The following FBXW8 variants were observed in gnomAD, a reference collection of about 807,000 sequenced individuals.
FBXW8 encodes the protein F-box and WD repeat domain containing 8.
Under a neutral mutation model 65.3 loss-of-function variants are expected in FBXW8, and 57 were observed. That is an observed-to-expected ratio of 0.87 (90% confidence interval 0.71 to 1.09). The LOEUF is 1.09. Among genes scored for constraint, FBXW8 ranks in the 50% least tolerant of loss-of-function variants. The pLI, the probability that FBXW8 is intolerant of heterozygous loss-of-function variation, is 0.00. For synonymous variants in FBXW8, 308 were observed against 330.2 expected (o/e 0.93, Z 0.73); for missense variants, 777 against 814.8 (o/e 0.95, Z 0.57).
In FBXW8 at chr12:117,029,562, C is replaced by T. The variant is rs1954312592; in HGVS notation, c.*1390C>T. On this transcript the variant is annotated 3_prime_UTR_variant, in exon 11 of 11. Transcript: ENST00000652555. ...GGGGTTAAATCAGGATAAAAACAGA[C>T]ATCAGTGGAATCGAAAACCAATAGT... 1 of 152,112 alleles carries T rather than the reference C, an allele frequency of 6.6e-6. No individual in the cohort carries two copies. The highest frequency in any genetic ancestry group is 2.4e-5 in the African/African-American group (1 of 41,414). The allele number at this position is 152,112 out of a possible 1,614,324, so 9.4% of individuals were successfully genotyped here. A position where few individuals can be genotyped will look rare whatever the true frequency, so the allele number is the denominator to read the frequency against.
At chr12:116,941,528 C>T (rs1414429884) in intron 2 of FBXW8, among the ~76,000 whole-genome samples, 1 of 152,080 alleles carries the variant, frequency 6.6e-6, no homozygotes, top group Non-Finnish European at 1.5e-5. Flanking sequence ...TTAAGGAGGC[C>T]AAAACTTTAA....
In FBXW8 at chr12:116,984,561, C is replaced by T. The variant is rs143522004; in HGVS notation, c.836-645C>T. Among the ~76,000 whole-genome samples the T allele has an allele frequency of 5.3e-3, 804 of 152,300 alleles. 7 individuals carry two copies. The highest frequency in any genetic ancestry group is 0.021 in the South Asian group (101 of 4,822). On this transcript the variant is annotated intron_variant, in intron 5 of 10. Transcript: ENST00000652555. ...GAAATTCAGGCTGAGCATCCCTAAT[C>T]CAAAATTCCAAAATGCTTTGAAACT...
chr12:116,972,336 A>G (rs1214308019), intron 5 of FBXW8, among the ~76,000 whole-genome samples: 1 of 152,208 alleles, frequency 6.6e-6, no homozygotes, highest in African/African-American at 2.4e-5. Context: ...AGGAAGATAA[A>G]TCGAATTTTA....
At chr12:116,945,967 C>T (rs1473982456) in intron 3 of FBXW8, among the ~76,000 whole-genome samples, 1 of 152,218 alleles carries the variant, frequency 6.6e-6, no homozygotes, top group Non-Finnish European at 1.5e-5. Context: ...GTCTTCTCTT[C>T]CCTCACATAA....
intron 8 of FBXW8, among the ~76,000 whole-genome samples, chr12:117,015,581 A>C (rs1301907759): frequency 2.0e-5 from 3 of 152,144 alleles, no homozygotes; most frequent in Non-Finnish European, 4.4e-5. Flanking sequence ...TGGAGAACCA[A>C]GAGTTGGTGC....
intron 9 of FBXW8, among the ~76,000 whole-genome samples, chr12:117,025,189 T>C (rs1416450569): frequency 6.6e-6 from 1 of 152,154 alleles, no homozygotes; most frequent in African/African-American, 2.4e-5. Flanking sequence ...TCAGCACCAC[T>C]GTGAAGAGAC....
At chr12:117,016,487 A>T (rs374228884) in intron 8 of FBXW8, among the ~76,000 whole-genome samples, 1 of 143,164 alleles carries the variant, frequency 7.0e-6, no homozygotes, top group African/African-American at 2.8e-5. Context: ...TTGAGTTATT[A>T]GAGTATTTTT....
chr12:116,985,182 C>T, intron 5 of FBXW8, 24 bp from the exon 6 acceptor site: 1 of 1,545,846 alleles, frequency 6.5e-7, no homozygotes, highest in Non-Finnish European at 8.7e-7. Flanking sequence ...AAAATTGTTA[C>T]CTGCATTGTT....
At chr12:116,925,099 T>C (rs760449158) in intron 1 of FBXW8, among the ~76,000 whole-genome samples, 12 of 152,178 alleles carry the variant, frequency 7.9e-5, no homozygotes, top group Non-Finnish European at 1.0e-4. Context: ...GATTGAACTT[T>C]TCAAAAAATA....
intron 9 of FBXW8, among the ~76,000 whole-genome samples, chr12:117,025,812 C>T (rs962769386): frequency 6.6e-6 from 1 of 152,236 alleles, no homozygotes; most frequent in Non-Finnish European, 1.5e-5. Context: ...CATCCAGGTC[C>T]TCAGGGATGG....
chr12:116,973,128 C>A (rs1884732764), intron 5 of FBXW8, among the ~76,000 whole-genome samples: 1 of 151,990 alleles, frequency 6.6e-6, no homozygotes, highest in Non-Finnish European at 1.5e-5. Context: ...GGTTACAACC[C>A]ATTGAATAAA....
chr12:116,926,378 A>G (rs957143965), intron 1 of FBXW8, among the ~76,000 whole-genome samples: 6 of 152,178 alleles, frequency 3.9e-5, no homozygotes, highest in African/African-American at 1.2e-4. Context: ...AAAATAATCC[A>G]AAAAAGAAAG....
At chr12:116,924,162 GTTTTTAAGTCAGTGTTGTCCA>G (rs1881136665) in intron 1 of FBXW8, among the ~76,000 whole-genome samples, 1 of 22,914 alleles carries the variant, frequency 4.4e-5, no homozygotes, top group Admixed American at 1.6e-3. Flanking sequence ...CCATTTTCAT[GTTTTTAAGTCAGTGTTGTCCA>G]TTTTCATGTT....
chr12:116,929,021 G>T (rs1881561911), intron 2 of FBXW8, among the ~76,000 whole-genome samples: 1 of 152,094 alleles, frequency 6.6e-6, no homozygotes, highest in African/African-American at 2.4e-5. Flanking sequence ...GGCCAGCCTG[G>T]TCTCAAACTC....
At chr12:116,912,182 T>TC (rs1565893510) in intron 1 of FBXW8, among the ~76,000 whole-genome samples, 4 of 148,808 alleles carry the variant, frequency 2.7e-5, no homozygotes, top group African/African-American at 1.0e-4. Context: ...TTTTTTTTTT[T>TC]TTTTCTTTCT....
chr12:116,955,949 C>T (rs1229900087), intron 4 of FBXW8, among the ~76,000 whole-genome samples: 2 of 152,170 alleles, frequency 1.3e-5, no homozygotes. Context: ...ACCATTAAGC[C>T]ATTAGCTCAC....
At chr12:117,018,665 G>A (rs899370055) in intron 8 of FBXW8, among the ~76,000 whole-genome samples, 2 of 152,198 alleles carry the variant, frequency 1.3e-5, no homozygotes, top group Admixed American at 1.3e-4. Flanking sequence ...TTTTCCCAGG[G>A]GGGAGAAATT....
At chr12:117,017,713 T>C (rs909233183) in intron 8 of FBXW8, among the ~76,000 whole-genome samples, 1 of 152,174 alleles carries the variant, frequency 6.6e-6, no homozygotes, top group African/African-American at 2.4e-5. Flanking sequence ...TATTGCTTGT[T>C]CTCTTTGTTT....
intron 5 of FBXW8, among the ~76,000 whole-genome samples, chr12:116,965,142 A>G (rs1166673282): frequency 6.6e-6 from 1 of 152,246 alleles, no homozygotes; most frequent in Non-Finnish European, 1.5e-5. Flanking sequence ...AAGCATCTTA[A>G]GCAAATAACT....
Sources: gnomAD v4.1 joint callset for allele counts (sites outside exome capture counted in the v4.1 genomes callset) on GRCh38, gnomAD v4.1.1 for gene constraint, MANE v1.5 for transcripts, NCBI Gene and HGNC (gene_info 2026-07-23, HGNC 2026-07-21) for gene names.